The following FMNL3 variants were observed in gnomAD, a reference collection of about 807,000 sequenced individuals.
FMNL3 encodes the protein formin-like protein 3.
FMNL3 carries 57 observed loss-of-function variants against 119.6 expected under a neutral mutation model. The ratio of observed to expected loss-of-function variants is 0.48; its 90% CI spans 0.39 to 0.59. The LOEUF is 0.59. Ranked by LOEUF, FMNL3 falls within the 20% of genes least tolerant of loss-of-function variation. The pLI is 0.00. For synonymous variants in FMNL3, 491 were observed against 507.3 expected, an observed-to-expected ratio of 0.97 and a Z score of 0.43; for missense variants, 1,053 against 1,323.5, an observed-to-expected ratio of 0.80 and a Z score of 3.17.
rs758562265 is a variant in FMNL3 at position 49,707,102 on chromosome 12, G to A, written c.79C>T (p.Pro27Ser). The change falls in exon 1 of 26, where the codon CCG (proline) becomes TCG (serine). Residue 27 changes from proline to serine, a missense_variant. Transcript: ENST00000335154. Reference sequence around the variant, plus strand: ...TCCAGCTCACAGGGCTCAGGCATCGGCATCTTGCCGGGCGGCAGCAACAAC... The same window carrying A: ...TCCAGCTCACAGGGCTCAGGCATCGACATCTTGCCGGGCGGCAGCAACAAC... ...VPLLLPPGKM[P>S]MPEPCELEER... 2 of 1,601,742 alleles carry A rather than the reference G, an allele frequency of 1.2e-6. No individual in the cohort carries two copies. Among genetic ancestry groups the A allele is most frequent in the East Asian group, 4.6e-5 (2 of 43,872 alleles).
At chr12:49,674,749 G>A (rs1944138132) in intron 1 of FMNL3, among the ~76,000 whole-genome samples, 1 of 152,196 alleles carries the variant, frequency 6.6e-6, no homozygotes, top group South Asian at 2.1e-4. Flanking sequence ...GCTCTCACAG[G>A]CTCGGAACCA....
Position 49,637,433 on chromosome 12 carries a change from G to T in FMNL3, c.*8382C>A, listed in dbSNP as rs761736429. 2.7e-6 allele frequency: 4 copies of T among 1,467,690 alleles called. No homozygotes were observed. Among genetic ancestry groups the T allele is most frequent in the Non-Finnish European group, 3.8e-6 (4 of 1,051,376 alleles). 90.9% of individuals were successfully genotyped at this position (1,467,690 alleles called of 1,614,324 possible). A position where few individuals can be genotyped will look rare whatever the true frequency, so the allele number is the denominator to read the frequency against. ...CCTCAGTCTGTGGCTCTGCCTCCCTGTCTCACTCTCCCTATAACTGGCCTC... is the reference window on the plus strand; with the variant it reads ...CCTCAGTCTGTGGCTCTGCCTCCCTTTCTCACTCTCCCTATAACTGGCCTC... On this transcript the variant is annotated 3_prime_UTR_variant, in exon 26 of 26. Transcript: ENST00000335154.
In FMNL3 at chr12:49,707,142, C is replaced by T. The variant is rs200294583; in HGVS notation, c.39G>A (p.Glu13=). The T allele has an allele frequency of 8.1e-5, 130 of 1,597,474 alleles. No homozygotes were observed. The East Asian group carries it at 2.9e-3, about 36-fold the overall frequency. Residue 13 remains glutamate, a synonymous_variant, in exon 1 of 26, where the codon GAG becomes GAA. Coordinates refer to ENST00000335154, the MANE Select transcript of FMNL3 (RefSeq NM_175736.5). ...NLESAEGVPG[E]PPSVPLLLPP... is the part of the protein sequence containing the mutation. The stretch of plus-strand genomic sequence containing the variant: ...GCAGCAACAACGGGACAGAGGGGGG[C>T]TCTCCCGGGACCCCCTCGGCGCTCT...
intron 1 of FMNL3, among the ~76,000 whole-genome samples, chr12:49,672,490 G>A (rs1944073739): frequency 6.6e-6 from 1 of 152,220 alleles, no homozygotes; most frequent in Non-Finnish European, 1.5e-5. Flanking sequence ...GAAAGGCATG[G>A]AGCTGGTGCT....
chr12:49,697,386 C>T (rs890606881), intron 1 of FMNL3, among the ~76,000 whole-genome samples: 1 of 152,172 alleles, frequency 6.6e-6, no homozygotes, highest in Admixed American at 6.5e-5. Flanking sequence ...AAGCTTCATC[C>T]TCAATTGGTA....
intron 4 of FMNL3, 131 bp from the exon 5 acceptor site, chr12:49,662,180 A>C: frequency 1.2e-6 from 1 of 837,648 alleles, no homozygotes; most frequent in Non-Finnish European, 2.0e-6. Context: ...TCTGAAGATC[A>C]AAACCCATGA....
chr12:49,668,207 C>G (rs548865105), intron 2 of FMNL3, among the ~76,000 whole-genome samples: 18 of 151,794 alleles, frequency 1.2e-4, no homozygotes, highest in Non-Finnish European at 2.4e-4. Flanking sequence ...ATCCTATACC[C>G]CTGATCTACA....
intron 1 of FMNL3, among the ~76,000 whole-genome samples, chr12:49,677,381 C>T (rs1445639959): frequency 6.6e-6 from 1 of 152,198 alleles, no homozygotes; most frequent in Non-Finnish European, 1.5e-5. Context: ...GGTTTGAATC[C>T]TAGCTCCACC....
Position 49,639,389 on chromosome 12 carries a change from G to A in FMNL3, c.*6426C>T, listed in dbSNP as rs1028772936. The A allele has an allele frequency of 6.6e-6, 1 of 152,314 alleles. No homozygotes were observed. The allele number at this position is 152,314 out of a possible 1,614,324, so 9.4% of individuals were successfully genotyped here. On this transcript the variant is annotated 3_prime_UTR_variant, in exon 26 of 26. Transcript: ENST00000335154. ...GCACTAGATGCTAGGAGCTGGGTTA[G>A]AGGGATGGAAGAGGGTGAGCAGGGA...
chr12:49,688,328 C>G, intron 1 of FMNL3: 1 of 444,208 alleles, frequency 2.3e-6, no homozygotes, highest in Non-Finnish European at 4.5e-6. Context: ...GGATTCTCCA[C>G]ACAGCAGACA....
intron 12 of FMNL3, 25 bp downstream of exon 12, chr12:49,653,700 T>C: frequency 1.2e-6 from 2 of 1,613,136 alleles, no homozygotes; most frequent in Non-Finnish European, 1.7e-6. Context: ...ACAGTGGCTC[T>C]GGCAGGCAAA....
chr12:49,653,124 TA>T, intron 13 of FMNL3, 101 bp downstream of exon 13: 2 of 1,091,648 alleles, frequency 1.8e-6, no homozygotes, highest in Non-Finnish European at 2.8e-6. Flanking sequence ...AATCAAGATC[TA>T]AATCCTAGAG....
intron 1 of FMNL3, among the ~76,000 whole-genome samples, chr12:49,670,209 T>A (rs980802164): frequency 6.6e-6 from 1 of 152,238 alleles, no homozygotes; most frequent in Admixed American, 6.5e-5. Flanking sequence ...AGGAGTCACA[T>A]AGGCCCTGCA....
intron 1 of FMNL3, among the ~76,000 whole-genome samples, chr12:49,704,611 T>A (rs749488932): frequency 2.1e-4 from 30 of 145,402 alleles, no homozygotes; most frequent in Non-Finnish European, 3.9e-4. Flanking sequence ...CTGGGGAGGC[T>A]GAAGCAGGAG....
At position 49,651,902 on chromosome 12, in the gene FMNL3, C is replaced by T. The variant is rs761501243; in HGVS notation, c.1603+31G>A. The T allele has an allele frequency of 5.8e-6, 9 of 1,541,810 alleles. No homozygotes were observed. In the African/African-American group the frequency reaches 1.1e-4, roughly 19 times the overall value. On this transcript the variant is annotated intron_variant, in intron 14 of 25. Coordinates refer to ENST00000335154, the MANE Select transcript of FMNL3 (RefSeq NM_175736.5). ...TTTTGGTCCCCACAAAGAGGCTGCC[C>T]CTGTTGGCTCCCAGGGGTCGTCGTG...
Position 49,636,607 on chromosome 12 carries a change from G to A in FMNL3, c.*9208C>T, listed in dbSNP as rs989872263. 3 of 1,490,596 alleles carry A rather than the reference G, an allele frequency of 2.0e-6. No individual in the cohort carries two copies. In the African/African-American group the frequency reaches 4.1e-5, roughly 21 times the overall value. The allele number at this position is 1,490,596 out of a possible 1,614,324, so 92.3% of individuals were successfully genotyped here. On this transcript the variant is annotated 3_prime_UTR_variant, in exon 26 of 26. Transcript: ENST00000335154. ...CTCCAGGCCCTTCCCCCACCACCCT[G>A]GGTATCCCTAGCACCTGTAGGACAG...
At chr12:49,669,335 C>T (rs542437341) in intron 1 of FMNL3, among the ~76,000 whole-genome samples, 5 of 152,284 alleles carry the variant, frequency 3.3e-5, no homozygotes, top group African/African-American at 1.2e-4. Context: ...GAAGGACAGA[C>T]CAGGAATCAT....
intron 4 of FMNL3, among the ~76,000 whole-genome samples, chr12:49,662,981 C>T (rs550502832): frequency 6.6e-6 from 1 of 152,188 alleles, no homozygotes. Flanking sequence ...AACTGCCCTG[C>T]GGGGCCTTTC....
rs1428885752 is a variant in FMNL3, at chr12:49,636,884, C to G, written c.*8931G>C. On this transcript the variant is annotated 3_prime_UTR_variant, in exon 26 of 26. Coordinates refer to ENST00000335154, the MANE Select transcript of FMNL3 (RefSeq NM_175736.5). ...CTGTCCTTTCTAGATCAGAGCTCAG[C>G]TCTGCCCTAGAGCACAACCTCTTCA... 1 of 1,612,266 alleles carries G rather than the reference C, an allele frequency of 6.2e-7. No individual in the cohort carries two copies. Among genetic ancestry groups the G allele is most frequent in the Admixed American group, 1.7e-5 (1 of 60,006 alleles).
Sources: allele counts gnomAD v4.1 joint callset (sites outside exome capture counted in the v4.1 genomes callset), GRCh38; gene constraint gnomAD v4.1.1; transcripts MANE v1.5; gene names NCBI Gene and HGNC (gene_info 2026-07-23, HGNC 2026-07-21).